KLF15: variants seen among roughly 807,000 people sequenced by gnomAD.
KLF15 encodes KLF transcription factor 15.
In KLF15, 4 loss-of-function variants were observed where a neutral mutation model predicts 24.6. The ratio of observed to expected loss-of-function variants is 0.16; its 90% CI spans 0.08 to 0.37. The LOEUF is 0.37. Among genes scored for constraint, KLF15 ranks in the 10% least tolerant of loss-of-function variants. The pLI is 1.00. For synonymous variants in KLF15, 246 were observed against 236.3 expected (o/e 1.04, Z -0.37); for missense variants, 496 against 560.6 (o/e 0.88, Z 1.16).
In KLF15 at chr3:126,352,488, T is replaced by C; in HGVS notation, c.435A>G (p.Glu145=). The C allele has an allele frequency of 6.2e-7, 1 of 1,613,442 alleles. No homozygotes were observed. The highest frequency in any genetic ancestry group is 8.5e-7 in the Non-Finnish European group (1 of 1,180,010). The change falls in exon 2 of 3, where the codon GAA becomes GAG. Residue 145 remains glutamate, a synonymous_variant. Coordinates refer to ENST00000296233, the MANE Select transcript of KLF15 (RefSeq NM_014079.4). ...GCTCCATGTTCTCCTCCAGAAACTCTTCAATCTCCTCCAGGGTAGGCTGGA... is the reference window on the plus strand; with the variant it reads ...GCTCCATGTTCTCCTCCAGAAACTCCTCAATCTCCTCCAGGGTAGGCTGGA... ...RPFQPTLEEI[E]EFLEENMEPG... is the part of the protein sequence containing the mutation.
rs1216043349 is a variant in KLF15, at chr3:126,343,009, C to T, written c.*718G>A. 2.0e-5 allele frequency: 3 copies of T among 152,166 alleles called. No individual in the cohort carries two copies. The highest frequency in any genetic ancestry group is 6.6e-5 in the Admixed American group (1 of 15,244). 9.4% of individuals were successfully genotyped at this position (152,166 alleles called of 1,614,324 possible). On this transcript the variant is annotated 3_prime_UTR_variant, in exon 3 of 3. Coordinates refer to ENST00000296233, the MANE Select transcript of KLF15 (RefSeq NM_014079.4). The stretch of plus-strand genomic sequence containing the variant: ...TGGTGTCTGGATTTGTCTGGGAAAC[C>T]GGAGGAGGGGACGAGCCCCTGGGTA...
chr3:126,340,913 G>T (rs987304826), downstream of KLF15, among the ~76,000 whole-genome samples: 1 of 152,310 alleles, frequency 6.6e-6, no homozygotes, highest in African/African-American at 2.4e-5. Flanking sequence ...GAACCTGGGG[G>T]TGCCACACAG....
chr3:126,306,588 T>TACATACACACATGCAC, the KLF15 span, among the ~76,000 whole-genome samples: 1 of 152,240 alleles, frequency 6.6e-6, no homozygotes, highest in Admixed American at 6.5e-5. Context: ...CACACGTGAA[T>TACATACACACATGCAC]ACATACACAC....
chr3:126,343,571 C>A lies in KLF15; in HGVS notation c.*156G>T, dbSNP rs1054954834. On this transcript the variant is annotated 3_prime_UTR_variant, in exon 3 of 3. Coordinates refer to ENST00000296233, the MANE Select transcript of KLF15 (RefSeq NM_014079.4). ...CTCTAAGTACTCCCGAGAAAGGCAG[C>A]GGTTGGCGGGCCCTGGGTTCACACC... 4.3e-6 allele frequency: 3 copies of A among 703,906 alleles called. No homozygotes were observed. The highest frequency in any genetic ancestry group is 7.0e-6 in the Non-Finnish European group (3 of 431,616). 43.6% of individuals were successfully genotyped at this position (703,906 alleles called of 1,614,324 possible).
intron 2 of KLF15, among the ~76,000 whole-genome samples, chr3:126,346,091 G>T (rs2082533936): frequency 6.6e-6 from 1 of 152,226 alleles, no homozygotes; most frequent in Non-Finnish European, 1.5e-5. Context: ...GGCCTGGATG[G>T]GTGTGTGTGT....
chr3:126,322,631 G>A, the KLF15 span, among the ~76,000 whole-genome samples: 1 of 152,198 alleles, frequency 6.6e-6, no homozygotes, highest in Non-Finnish European at 1.5e-5. Flanking sequence ...GGATTCATAT[G>A]TGGACAGCTT....
At chr3:126,300,605 C>G in the KLF15 span, among the ~76,000 whole-genome samples, 5 of 152,226 alleles carry the variant, frequency 3.3e-5, no homozygotes, top group African/African-American at 4.8e-5. Flanking sequence ...GTGGGCTCAT[C>G]ACTTGCAGTC....
At chr3:126,309,795 C>T in the KLF15 span, among the ~76,000 whole-genome samples, 95 of 152,296 alleles carry the variant, frequency 6.2e-4, no homozygotes, top group African/African-American at 2.0e-3. Flanking sequence ...CCTGGTGACT[C>T]TTATAGCACC....
the KLF15 span, among the ~76,000 whole-genome samples, chr3:126,313,286 ACCT>A: frequency 6.6e-6 from 1 of 152,022 alleles, no homozygotes; most frequent in Admixed American, 6.6e-5. Context: ...TGACGCATTG[ACCT>A]CCAACTTCCA....
intron 2 of KLF15, among the ~76,000 whole-genome samples, chr3:126,344,726 G>C (rs554269868): frequency 6.8e-6 from 1 of 147,800 alleles, no homozygotes; most frequent in Non-Finnish European, 1.5e-5. Context: ...CCTCAGACTT[G>C]AGTCCACCCA....
chr3:126,307,440 G>C, the KLF15 span, among the ~76,000 whole-genome samples: 1 of 152,228 alleles, frequency 6.6e-6, no homozygotes, highest in Non-Finnish European at 1.5e-5. Context: ...AACAGGGCTT[G>C]TGTCCATGAA....
chr3:126,329,794 G>A, the KLF15 span, among the ~76,000 whole-genome samples: 3 of 148,026 alleles, frequency 2.0e-5, no homozygotes, highest in African/African-American at 2.5e-5. Flanking sequence ...ATTCCAGTTA[G>A]GTCTTCTTTA....
At chr3:126,351,751 T>A in intron 2 of KLF15, 90 bp downstream of exon 2, 1 of 1,331,036 alleles carries the variant, frequency 7.5e-7, no homozygotes. Context: ...TACCTTCTGT[T>A]AATGGTGGAA....
intron 1 of KLF15, chr3:126,353,868 A>G (rs1299914990): frequency 6.6e-6 from 1 of 152,274 alleles, no homozygotes; most frequent in Non-Finnish European, 1.5e-5. Context: ...GGGGTCCCAG[A>G]GCACCCGCAT....
At chr3:126,309,129 C>T in the KLF15 span, among the ~76,000 whole-genome samples, 4,549 of 152,292 alleles carry the variant, frequency 0.03, 171 homozygotes, top group African/African-American at 0.083. Flanking sequence ...GACACCGTGA[C>T]GTCAGGAGTC....
the KLF15 span, among the ~76,000 whole-genome samples, chr3:126,294,611 C>T: frequency 6.6e-6 from 1 of 152,134 alleles, no homozygotes; most frequent in Non-Finnish European, 1.5e-5. Flanking sequence ...TTTAACTGAG[C>T]ACTTTTCTCT....
rs940547890 is a variant in KLF15, at chr3:126,352,282, T to A, written c.641A>T (p.Asp214Val). 1.3e-6 allele frequency: 2 copies of A among 1,541,882 alleles called. No individual in the cohort carries two copies. The highest frequency in any genetic ancestry group is 2.3e-5 in the East Asian group (1 of 44,340). ...AQGPGGGPTP[D>V]GPIPVLLQIQ... ...CTGCAGCAACACTGGGATGGGGCCA[T>A]CAGGCGTGGGGCCCCCACCTGGGCC... Residue 214 changes from aspartate (D) to valine (V), a missense_variant, in exon 2 of 3, where the codon GAT becomes GTT. Physicochemically the swap from Asp to Val is radical, Grantham distance 152. Transcript: ENST00000296233.
At chr3:126,319,357 T>C in the KLF15 span, among the ~76,000 whole-genome samples, 1 of 152,240 alleles carries the variant, frequency 6.6e-6, no homozygotes, top group South Asian at 2.1e-4. Flanking sequence ...TTGTAAGAAA[T>C]TGACGAGTTG....
chr3:126,299,389 A>G, the KLF15 span, among the ~76,000 whole-genome samples: 2 of 152,106 alleles, frequency 1.3e-5, no homozygotes, highest in Non-Finnish European at 2.9e-5. Context: ...TATCGTATCT[A>G]GGAGCTTTTA....
Sources: allele counts gnomAD v4.1 joint callset (sites outside exome capture counted in the v4.1 genomes callset), GRCh38; gene constraint gnomAD v4.1.1; transcripts MANE v1.5; gene names NCBI Gene and HGNC (gene_info 2026-07-23, HGNC 2026-07-21).